The following CADM2 variants were observed in gnomAD, a reference collection of about 807,000 sequenced individuals.
The protein encoded by CADM2 is immunoglobulin superfamily member 4D.
A neutral mutation model predicts 49.8 loss-of-function variants in CADM2; 12 were observed. That is an observed-to-expected ratio of 0.24 (90% CI 0.15 to 0.39). The LOEUF (loss-of-function observed/expected upper bound fraction) is 0.39, where lower values mean the gene tolerates loss of function less well. Among genes scored for constraint, CADM2 ranks in the 10% least tolerant of loss-of-function variants. The probability of loss-of-function intolerance (pLI) is 1.00; values close to 1 mark genes in which losing one functional copy is unlikely to be tolerated. For missense variants in CADM2, 378 were observed against 492.3 expected, an observed-to-expected ratio of 0.77 and a Z score of 2.20; for synonymous variants, 214 against 175.4, an observed-to-expected ratio of 1.22 and a Z score of -1.74.
At chr3:85,436,162 G>A (rs1020912322) in intron 1 of CADM2, among the ~76,000 whole-genome samples, 1 of 152,026 alleles carries the variant, frequency 6.6e-6, no homozygotes, top group Non-Finnish European at 1.5e-5. Context: ...GGATTCCTAA[G>A]TATTTTATTC....
chr3:85,313,467 A>C (rs1365782689), intron 1 of CADM2, among the ~76,000 whole-genome samples: 1 of 152,136 alleles, frequency 6.6e-6, no homozygotes, highest in Non-Finnish European at 1.5e-5. Flanking sequence ...TTCTCTTCCT[A>C]AAGGAAGAGA....
chr3:85,096,873 A>C (rs904133671), intron 1 of CADM2, among the ~76,000 whole-genome samples: 5 of 152,152 alleles, frequency 3.3e-5, no homozygotes, highest in African/African-American at 1.2e-4. Flanking sequence ...TTTAACCTTC[A>C]GAGAATTTGG....
intron 1 of CADM2, among the ~76,000 whole-genome samples, chr3:85,240,413 T>A (rs747427492): frequency 6.6e-6 from 1 of 151,540 alleles, no homozygotes; most frequent in Non-Finnish European, 1.5e-5. Context: ...CTATCATATA[T>A]CAACTTTAGT....
At chr3:85,606,820 A>G (rs1290100191) in intron 1 of CADM2, among the ~76,000 whole-genome samples, 1 of 152,098 alleles carries the variant, frequency 6.6e-6, no homozygotes, top group Non-Finnish European at 1.5e-5. Context: ...AGTATCTTTG[A>G]AAAATACTGT....
intron 1 of CADM2, among the ~76,000 whole-genome samples, chr3:85,314,543 T>C (rs1338066809): frequency 6.6e-6 from 1 of 152,192 alleles, no homozygotes; most frequent in African/African-American, 2.4e-5. Context: ...CCGGTTATTA[T>C]GGAGATGAAA....
At chr3:85,267,008 A>G (rs2043135232) in intron 1 of CADM2, among the ~76,000 whole-genome samples, 1 of 151,892 alleles carries the variant, frequency 6.6e-6, no homozygotes, top group African/African-American at 2.4e-5. Context: ...TATAACCTAG[A>G]CAAAGACCAA....
chr3:85,551,615 G>T (rs1398861621), intron 1 of CADM2, among the ~76,000 whole-genome samples: 3 of 152,120 alleles, frequency 2.0e-5, no homozygotes, highest in Non-Finnish European at 2.9e-5. Flanking sequence ...TCTACTTAAA[G>T]AAACTGTTTC....
intron 1 of CADM2, among the ~76,000 whole-genome samples, chr3:85,013,529 A>G (rs2034096431): frequency 6.6e-6 from 1 of 151,850 alleles, no homozygotes; most frequent in Non-Finnish European, 1.5e-5. Context: ...AATAGAATAC[A>G]AATTCTTGTG....
chr3:85,877,651 A>G (rs2108372539), intron 3 of CADM2, among the ~76,000 whole-genome samples: 1 of 148,636 alleles, frequency 6.7e-6, no homozygotes, highest in South Asian at 2.1e-4. Context: ...TTTTATACTC[A>G]ACAGTGTCTA....
intron 1 of CADM2, among the ~76,000 whole-genome samples, chr3:85,415,596 G>A (rs2035884015): frequency 6.6e-6 from 1 of 152,082 alleles, no homozygotes; most frequent in South Asian, 2.1e-4. Flanking sequence ...TATGAAATTA[G>A]CAGTAGTATA....
chr3:85,983,039 T>C (rs1727664697), intron 8 of CADM2, among the ~76,000 whole-genome samples: 1 of 151,812 alleles, frequency 6.6e-6, no homozygotes, highest in Non-Finnish European at 1.5e-5. Flanking sequence ...TCACTGTTAA[T>C]ATCTCCATTT....
At chr3:85,611,607 A>G (rs1169012468) in intron 1 of CADM2, among the ~76,000 whole-genome samples, 2 of 151,916 alleles carry the variant, frequency 1.3e-5, no homozygotes, top group East Asian at 1.9e-4. Context: ...AGTTGGGATC[A>G]ATTAATTCTG....
intron 1 of CADM2, among the ~76,000 whole-genome samples, chr3:85,634,289 G>A (rs549315701): frequency 3.5e-4 from 53 of 152,112 alleles, no homozygotes; most frequent in Non-Finnish European, 6.6e-4. Flanking sequence ...AATTTCAAAC[G>A]TGAATTTCAA....
At chr3:85,325,093 A>G (rs1230290157) in intron 1 of CADM2, among the ~76,000 whole-genome samples, 7 of 152,228 alleles carry the variant, frequency 4.6e-5, no homozygotes, top group African/African-American at 1.2e-4. Flanking sequence ...TCCACATGAA[A>G]TGGTAAAAAT....
intron 1 of CADM2, among the ~76,000 whole-genome samples, chr3:85,407,293 C>T (rs1267651767): frequency 6.6e-6 from 1 of 152,110 alleles, no homozygotes; most frequent in Non-Finnish European, 1.5e-5. Flanking sequence ...ATTAATATGT[C>T]CCCTGAGCTC....
At chr3:86,005,951 A>G (rs1168916536) in intron 8 of CADM2, among the ~76,000 whole-genome samples, 1 of 152,180 alleles carries the variant, frequency 6.6e-6, no homozygotes, top group Non-Finnish European at 1.5e-5. Context: ...GATTCAACAA[A>G]TAAGTGAGAA....
In CADM2 at chr3:84,959,732, C is replaced by T. The variant is rs745354295; in HGVS notation, c.61+64C>T. ...CCCATTCCCCATCTTCCCCATTCCA[C>T]CCCATATTTCCACTCTCCCCTCCCA... On this transcript the variant is annotated intron_variant, in intron 1 of 9. Coordinates refer to ENST00000383699, the MANE Select transcript of CADM2 (RefSeq NM_001167675.2). 11 of 1,411,996 alleles carry T rather than the reference C, an allele frequency of 7.8e-6. No homozygotes were observed. The Admixed American group carries it at 2.0e-4, about 25-fold the overall frequency. The allele number at this position is 1,411,996 out of a possible 1,614,324, so 87.5% of individuals were successfully genotyped here. A position where few individuals can be genotyped will look rare whatever the true frequency, so the allele number is the denominator to read the frequency against.
intron 8 of CADM2, among the ~76,000 whole-genome samples, chr3:86,004,554 A>G (rs148307330): frequency 6.6e-6 from 1 of 152,336 alleles, no homozygotes; most frequent in East Asian, 1.9e-4. Flanking sequence ...ACGCCTCATC[A>G]AGAATTAAAT....
At chr3:84,992,959 T>C (rs1487663384) in intron 1 of CADM2, among the ~76,000 whole-genome samples, 2 of 152,190 alleles carry the variant, frequency 1.3e-5, no homozygotes, top group African/African-American at 4.8e-5. Flanking sequence ...CATGTTTAGA[T>C]TGGATGTTGA....
Sources: gnomAD v4.1 joint callset for allele counts (sites outside exome capture counted in the v4.1 genomes callset) on GRCh38, gnomAD v4.1.1 for gene constraint, MANE v1.5 for transcripts, NCBI Gene and HGNC (gene_info 2026-07-23, HGNC 2026-07-21) for gene names.